Variants in POU6F2 observed in about 807,000 individuals in gnomAD.
POU6F2 encodes POU class 6 homeobox 2, also known as POU domain, class 6, transcription factor 2.
In POU6F2, 31 loss-of-function variants were observed where a neutral mutation model predicts 71.3. That is an observed-to-expected ratio of 0.43 (90% CI 0.33 to 0.59). POU6F2 has a LOEUF of 0.59. POU6F2 is among the 20% of genes least tolerant of loss of function. The pLI, the probability that POU6F2 is intolerant of heterozygous loss-of-function variation, is 0.04. For missense variants in POU6F2, 783 were observed against 856.8 expected, an observed-to-expected ratio of 0.91 and a Z score of 1.07; for synonymous variants, 347 against 355.7, an observed-to-expected ratio of 0.98 and a Z score of 0.27.
At chr7:39,046,868 T>C (rs1288809221) in intron 1 of POU6F2, among the ~76,000 whole-genome samples, 1 of 151,960 alleles carries the variant, frequency 6.6e-6, no homozygotes, top group African/African-American at 2.4e-5. Flanking sequence ...TTTGAGTTTA[T>C]TTGTGCATGT....
intron 6 of POU6F2, among the ~76,000 whole-genome samples, chr7:39,411,047 C>T (rs1224049559): frequency 6.6e-6 from 1 of 152,190 alleles, no homozygotes; most frequent in Non-Finnish European, 1.5e-5. Flanking sequence ...TAAATGCTAC[C>T]TATTAATCAA....
rs147461866 is a variant in POU6F2 at position 39,369,939 on chromosome 7, C to T, written c.972+29924C>T. 2.0e-5 allele frequency among the ~76,000 whole-genome samples: 3 copies of T among 152,090 alleles called. No individual in the cohort carries two copies. In the East Asian group the frequency reaches 5.8e-4, roughly 29 times the overall value. ...AAACTCCTGGGCTCAAGCAATACTCCTGTCTCAGCATCCCAAAGTACTGCC... is the reference window on the plus strand; with the variant it reads ...AAACTCCTGGGCTCAAGCAATACTCTTGTCTCAGCATCCCAAAGTACTGCC... On this transcript the variant is annotated intron_variant, in intron 5 of 9. Transcript: ENST00000518318.
At chr7:39,289,742 G>A (rs1298374120) in intron 4 of POU6F2, among the ~76,000 whole-genome samples, 2 of 152,148 alleles carry the variant, frequency 1.3e-5, no homozygotes, top group African/African-American at 4.8e-5. Flanking sequence ...TTTGGTAGTC[G>A]ATTAAAACAA....
chr7:39,030,081 G>A lies in POU6F2; in HGVS notation c.105+52023G>A, dbSNP rs957586218. Reference sequence around the variant, plus strand: ...GTATTTCTTCTTTATTCTTTAAAAGGCTTTTTAAAAATTAAAATTACTTTT... The same window carrying A: ...GTATTTCTTCTTTATTCTTTAAAAGACTTTTTAAAAATTAAAATTACTTTT... On this transcript the variant is annotated intron_variant, in intron 1 of 9. Coordinates refer to ENST00000518318, the MANE Select transcript of POU6F2 (RefSeq NM_001370959.1). Among the ~76,000 whole-genome samples, 6 of 151,806 alleles carry A rather than the reference G, an allele frequency of 4.0e-5. No individual in the cohort carries two copies. In the South Asian group the frequency reaches 8.3e-4, roughly 21 times the overall value.
At chr7:39,252,395 GACAGACACACAC>G (rs1562763992) in intron 4 of POU6F2, among the ~76,000 whole-genome samples, 1 of 84,858 alleles carries the variant, frequency 1.2e-5, no homozygotes, top group African/African-American at 4.2e-5. Context: ...CAGACAGACA[GACAGACACACAC>G]ACACACACAC....
intron 1 of POU6F2, among the ~76,000 whole-genome samples, chr7:39,012,679 A>G (rs1174571325): frequency 6.6e-6 from 1 of 151,998 alleles, no homozygotes; most frequent in Non-Finnish European, 1.5e-5. Flanking sequence ...GTCTTTGATG[A>G]TGATGATGTA....
chr7:39,231,100 C>T (rs1794566505), intron 4 of POU6F2, among the ~76,000 whole-genome samples: 1 of 152,024 alleles, frequency 6.6e-6, no homozygotes, highest in African/African-American at 2.4e-5. Context: ...TTATCTAGCC[C>T]CAAATGTCAA....
chr7:39,183,763 G>A (rs1427364330), intron 2 of POU6F2, among the ~76,000 whole-genome samples: 1 of 152,144 alleles, frequency 6.6e-6, no homozygotes, highest in Non-Finnish European at 1.5e-5. Context: ...AATGCCAAGA[G>A]TTCATACAAA....
chr7:39,164,080 G>A (rs553784603), intron 2 of POU6F2, among the ~76,000 whole-genome samples: 1 of 152,050 alleles, frequency 6.6e-6, no homozygotes, highest in East Asian at 1.9e-4. Flanking sequence ...ATTGCTAAGA[G>A]GGTAAATTTT....
intron 3 of POU6F2, among the ~76,000 whole-genome samples, chr7:39,205,511 C>T (rs889074710): frequency 6.6e-6 from 1 of 152,076 alleles, no homozygotes; most frequent in Non-Finnish European, 1.5e-5. Flanking sequence ...GGCCAAAACC[C>T]CCAAATCTAT....
intron 4 of POU6F2, among the ~76,000 whole-genome samples, chr7:39,244,939 C>T (rs1783794855): frequency 6.6e-6 from 1 of 152,154 alleles, no homozygotes; most frequent in South Asian, 2.1e-4. Flanking sequence ...CACGAATACT[C>T]CAAATGGCCT....
chr7:39,086,984 T>G (rs979572009), intron 2 of POU6F2, among the ~76,000 whole-genome samples: 1 of 151,362 alleles, frequency 6.6e-6, no homozygotes, highest in African/African-American at 2.4e-5. Context: ...CATAGACATA[T>G]ATATACATAC....
At chr7:39,402,185 A>G (rs1265346962) in intron 5 of POU6F2, among the ~76,000 whole-genome samples, 2 of 152,232 alleles carry the variant, frequency 1.3e-5, no homozygotes, top group African/African-American at 4.8e-5. Context: ...ATCATGTGAT[A>G]CTATGTATGG....
chr7:39,452,800 A>G (rs112271261), intron 8 of POU6F2, among the ~76,000 whole-genome samples: 3 of 152,372 alleles, frequency 2.0e-5, no homozygotes, highest in African/African-American at 7.2e-5. Flanking sequence ...AGATGTTAAA[A>G]TGCCCAGGTA....
chr7:39,043,611 A>G lies in POU6F2; in HGVS notation c.106-42249A>G, dbSNP rs189337803. ...TTATATAAGGTGTCACACTGGAGTA[A>G]TTGCACACCAACTGGATTTTATGAC... On this transcript the variant is annotated intron_variant, in intron 1 of 9. Coordinates refer to ENST00000518318, the MANE Select transcript of POU6F2 (RefSeq NM_001370959.1). 1.5e-4 allele frequency among the ~76,000 whole-genome samples: 23 copies of G among 152,084 alleles called. No homozygotes were observed. In the East Asian group the frequency reaches 4.1e-3, roughly 27 times the overall value.
chr7:39,306,305 A>G (rs1222692680), intron 4 of POU6F2, among the ~76,000 whole-genome samples: 1 of 152,266 alleles, frequency 6.6e-6, no homozygotes, highest in Non-Finnish European at 1.5e-5. Context: ...CAAAGGAAAT[A>G]ATAGCTATCA....
intron 3 of POU6F2, among the ~76,000 whole-genome samples, chr7:39,205,580 T>C (rs887648914): frequency 1.3e-5 from 2 of 152,310 alleles, no homozygotes; most frequent in South Asian, 2.1e-4. Flanking sequence ...AATATCACTA[T>C]TGGCAGTGAT....
At chr7:39,224,880 C>T (rs1359010812) in intron 4 of POU6F2, among the ~76,000 whole-genome samples, 1 of 152,194 alleles carries the variant, frequency 6.6e-6, no homozygotes, top group Non-Finnish European at 1.5e-5. Flanking sequence ...GTGAAAGTTT[C>T]TCTCTGAAAC....
At chr7:39,084,649 T>C (rs1584534461) in intron 1 of POU6F2, among the ~76,000 whole-genome samples, 2 of 152,190 alleles carry the variant, frequency 1.3e-5, no homozygotes, top group Non-Finnish European at 2.9e-5. Context: ...ACTATTTGTA[T>C]TGATTAACAT....
Sources: allele counts gnomAD v4.1 joint callset (sites outside exome capture counted in the v4.1 genomes callset), GRCh38; gene constraint gnomAD v4.1.1; transcripts MANE v1.5; gene names NCBI Gene and HGNC (gene_info 2026-07-23, HGNC 2026-07-21).